Variants in KLF13 observed in about 807,000 individuals in gnomAD.
KLF13 encodes the protein KLF transcription factor 13, also known as Krueppel-like factor 13.
In KLF13, 8 loss-of-function variants were observed where a neutral mutation model predicts 16.7. The ratio of observed to expected loss-of-function variants is 0.48; its 90% CI spans 0.28 to 0.87. The LOEUF (loss-of-function observed/expected upper bound fraction) is 0.87, where lower values mean the gene tolerates loss of function less well. Ranked by LOEUF, KLF13 falls within the 40% of genes least tolerant of loss-of-function variation. The pLI is 0.10. For synonymous variants in KLF13, 245 were observed against 208.4 expected (o/e 1.18, Z -1.51); for missense variants, 447 against 452.2 (o/e 0.99, Z 0.10).
intron 2 of KLF13, among the ~76,000 whole-genome samples, chr15:31,402,415 G>T (rs770443512): frequency 2.6e-5 from 4 of 152,252 alleles, no homozygotes; most frequent in Admixed American, 6.5e-5. Flanking sequence ...GATGAGGCTG[G>T]GCTGAGACTC....
intron 1 of KLF13, among the ~76,000 whole-genome samples, chr15:31,384,471 A>G (rs906583921): frequency 6.6e-6 from 1 of 152,216 alleles, no homozygotes; most frequent in African/African-American, 2.4e-5. Flanking sequence ...AACTCAAGCA[A>G]TTGTTACCTT....
intron 1 of KLF13, among the ~76,000 whole-genome samples, chr15:31,383,477 A>C (rs1355790636): frequency 6.6e-6 from 1 of 152,262 alleles, no homozygotes; most frequent in Non-Finnish European, 1.5e-5. Flanking sequence ...AGAGGCACAC[A>C]TAGGAGTGTC....
intron 1 of KLF13, among the ~76,000 whole-genome samples, chr15:31,428,235 A>G (rs1299787446): frequency 2.6e-5 from 4 of 152,286 alleles, no homozygotes; most frequent in Admixed American, 6.5e-5. Flanking sequence ...ATTGTTGTTC[A>G]GTGGGTATAG....
intron 1 of KLF13, among the ~76,000 whole-genome samples, chr15:31,359,519 G>A (rs115290985): frequency 0.03 from 4,643 of 152,270 alleles, 240 homozygotes; most frequent in African/African-American, 0.11. Context: ...AGGTACGTGT[G>A]TGTACATACA....
At chr15:31,420,616 C>A in intron 1 of KLF13, 1 of 421,754 alleles carries the variant, frequency 2.4e-6, no homozygotes, top group South Asian at 2.1e-5. Flanking sequence ...CAGCTTTTAC[C>A]TTCAAGAAAC....
intron 2 of KLF13, among the ~76,000 whole-genome samples, chr15:31,403,101 C>T (rs75672588): frequency 0.012 from 1,876 of 152,302 alleles, 27 homozygotes; most frequent in African/African-American, 0.034. Flanking sequence ...TTGCCAGTTC[C>T]AACTGTCAGT....
intron 1 of KLF13, among the ~76,000 whole-genome samples, chr15:31,331,654 G>A (rs2038836012): frequency 6.6e-6 from 1 of 152,212 alleles, no homozygotes; most frequent in Non-Finnish European, 1.5e-5. Flanking sequence ...CAGGCCAGTG[G>A]CTCAGCACGC....
chr15:31,330,742 T>G (rs2038814365), intron 1 of KLF13, among the ~76,000 whole-genome samples: 1 of 152,260 alleles, frequency 6.6e-6, no homozygotes, highest in Non-Finnish European at 1.5e-5. Flanking sequence ...TCTGTCACAT[T>G]TAGGTAATTG....
intron 1 of KLF13, among the ~76,000 whole-genome samples, chr15:31,428,450 A>G (rs1042255306): frequency 3.3e-5 from 5 of 152,226 alleles, no homozygotes; most frequent in Non-Finnish European, 7.3e-5. Context: ...ATGTAACCTC[A>G]GTCAAAATTT....
At chr15:31,383,374 A>G (rs543492107) in intron 1 of KLF13, among the ~76,000 whole-genome samples, 1 of 152,308 alleles carries the variant, frequency 6.6e-6, no homozygotes, top group Admixed American at 6.5e-5. Context: ...TGGGAAGACC[A>G]GCTACTAGTT....
At chr15:31,360,659 G>A (rs2039368779) in intron 1 of KLF13, among the ~76,000 whole-genome samples, 1 of 152,090 alleles carries the variant, frequency 6.6e-6, no homozygotes, top group Non-Finnish European at 1.5e-5. Context: ...CAGAAGCCCC[G>A]GCACTGTTCA....
Position 31,372,411 on chromosome 15 carries a change from T to G in KLF13, c.*112T>G, listed in dbSNP as rs911341986. ...GATGCAAAGTCCACGAAAAAACAAT[T>G]TTTTTCACCTCAGGTGTCAAAGTAA... On this transcript the variant is annotated 3_prime_UTR_variant, in exon 2 of 2. Coordinates refer to ENST00000307145, the MANE Select transcript of KLF13 (RefSeq NM_015995.4). 8.6e-7 allele frequency: 1 copy of G among 1,162,710 alleles called. No homozygotes were observed. Among genetic ancestry groups the G allele is most frequent in the South Asian group, 2.4e-5 (1 of 42,162 alleles). The allele number at this position is 1,162,710 out of a possible 1,614,324, so 72.0% of individuals were successfully genotyped here.
chr15:31,424,134 T>A lies in KLF13; in HGVS notation n.118-11236T>A, dbSNP rs138062192. 1.4e-3 allele frequency among the ~76,000 whole-genome samples: 208 copies of A among 151,474 alleles called. 1 individual carries two copies. The highest frequency in any genetic ancestry group is 4.8e-3 in the African/African-American group (200 of 41,300). ...CTAGAAAAGCCCAGGACCAGGTGGC[T>A]TCACTGGAGAATTCTACCAAACACT... On this transcript the variant is annotated intron_variant and non_coding_transcript_variant, in intron 1 of 1. Transcript: ENST00000558225.
intron 1 of KLF13, among the ~76,000 whole-genome samples, chr15:31,328,878 T>C (rs1211215294): frequency 6.6e-6 from 1 of 152,226 alleles, no homozygotes; most frequent in Non-Finnish European, 1.5e-5. Flanking sequence ...CTCTTCTACC[T>C]TGGGGGCAGG....
At chr15:31,340,012 G>C (rs1273101627) in intron 1 of KLF13, 1 of 702,404 alleles carries the variant, frequency 1.4e-6, no homozygotes, top group East Asian at 2.7e-5. Context: ...AAGTGGCTTT[G>C]TTTATTTTAC....
At chr15:31,333,661 G>C (rs560174456) in intron 1 of KLF13, among the ~76,000 whole-genome samples, 2 of 151,986 alleles carry the variant, frequency 1.3e-5, no homozygotes, top group East Asian at 1.9e-4. Flanking sequence ...CTGATACGCA[G>C]TCCATATTCA....
chr15:31,361,192 C>G (rs1173548495), intron 1 of KLF13, among the ~76,000 whole-genome samples: 1 of 152,156 alleles, frequency 6.6e-6, no homozygotes, highest in Non-Finnish European at 1.5e-5. Flanking sequence ...AGAGGGTAGC[C>G]TCGCCGCACT....
chr15:31,380,762 T>G (rs2039713743), downstream of KLF13, among the ~76,000 whole-genome samples: 1 of 152,232 alleles, frequency 6.6e-6, no homozygotes, highest in Non-Finnish European at 1.5e-5. Context: ...CTGGCAGGGC[T>G]GCTATCTCTG....
chr15:31,350,452 A>G (rs550695980), intron 1 of KLF13, among the ~76,000 whole-genome samples: 9 of 152,196 alleles, frequency 5.9e-5, no homozygotes, highest in Non-Finnish European at 1.2e-4. Flanking sequence ...GAGGGAGTCT[A>G]TGTGGTTCTG....
Sources: gnomAD v4.1 joint callset for allele counts (sites outside exome capture counted in the v4.1 genomes callset) on GRCh38, gnomAD v4.1.1 for gene constraint, MANE v1.5 for transcripts, NCBI Gene and HGNC (gene_info 2026-07-23, HGNC 2026-07-21) for gene names.